The following MYO18B variants were observed in gnomAD, a reference collection of about 807,000 sequenced individuals.
MYO18B encodes the protein myosin XVIIIB.
Under a neutral mutation model 273.0 loss-of-function variants are expected in MYO18B, and 204 were observed. The ratio of observed to expected loss-of-function variants is 0.75; its 90% confidence interval spans 0.67 to 0.84. The LOEUF (loss-of-function observed/expected upper bound fraction) is 0.84, where lower values mean the gene tolerates loss of function less well. Ranked by LOEUF, MYO18B falls within the 40% of genes least tolerant of loss-of-function variation. MYO18B has a pLI of 0.00. For missense variants in MYO18B, 3,212 were observed against 3,287.6 expected, an observed-to-expected ratio of 0.98 and a Z score of 0.56; for synonymous variants, 1,330 against 1,305.7, an observed-to-expected ratio of 1.02 and a Z score of -0.40.
At chr22:25,757,443 C>T (rs561181512) in intron 1 of MYO18B, among the ~76,000 whole-genome samples, 5 of 151,706 alleles carry the variant, frequency 3.3e-5, no homozygotes, top group Non-Finnish European at 7.4e-5. Flanking sequence ...AAAAAATTAG[C>T]GGGCGTGGTG....
chr22:26,004,359 A>G (rs1402947604), intron 41 of MYO18B, among the ~76,000 whole-genome samples: 2 of 152,196 alleles, frequency 1.3e-5, no homozygotes, highest in East Asian at 3.9e-4. Flanking sequence ...TTCAATGCCA[A>G]ACTTTACTCC....
In MYO18B at chr22:25,992,350, C is replaced by T. The variant is rs764677105; in HGVS notation, c.6157-13C>T. On this transcript the variant is annotated splice_polypyrimidine_tract_variant and intron_variant, in intron 39 of 43. Coordinates refer to ENST00000335473, the MANE Select transcript of MYO18B (RefSeq NM_032608.7). ...GCCCAAGGCCAACGTGTGTTTGCAT[C>T]TTCTGTCCCCAGGAGAAGTACGTGG... The T allele has an allele frequency of 3.1e-6, 5 of 1,613,220 alleles. No homozygotes were observed. The highest frequency in any genetic ancestry group is 2.2e-5 in the South Asian group (2 of 91,056).
At chr22:25,929,510 C>T (rs555980317) in intron 34 of MYO18B, among the ~76,000 whole-genome samples, 5 of 152,316 alleles carry the variant, frequency 3.3e-5, no homozygotes, top group East Asian at 1.9e-4. Flanking sequence ...AGGAGAAAGT[C>T]GGAGATGATG....
chr22:25,812,308 G>A (rs148339651), intron 12 of MYO18B, among the ~76,000 whole-genome samples: 297 of 152,296 alleles, frequency 2.0e-3, no homozygotes, highest in African/African-American at 6.8e-3. Context: ...TCTGACTGCA[G>A]CTCATAACTC....
At chr22:25,982,845 T>G (rs1478962458) in intron 39 of MYO18B, among the ~76,000 whole-genome samples, 2 of 152,196 alleles carry the variant, frequency 1.3e-5, no homozygotes, top group Non-Finnish European at 2.9e-5. Context: ...TGTTGCCGGA[T>G]TAGATCATAG....
chr22:25,877,199 T>C (rs1031942645), intron 24 of MYO18B: 6 of 152,134 alleles, frequency 3.9e-5, no homozygotes, highest in Non-Finnish European at 5.9e-5. Flanking sequence ...AACAGAGACA[T>C]TGAAATTTGG....
intron 40 of MYO18B, among the ~76,000 whole-genome samples, chr22:25,998,096 G>A (rs9613074): frequency 0.19 from 29,404 of 152,108 alleles, 3,459 homozygotes; most frequent in Non-Finnish European, 0.27. Flanking sequence ...AGCATAACAG[G>A]CCTTCCAGGC....
At chr22:25,972,958 G>GAAAAAAAAAAAAAAAA (rs66647025) in intron 39 of MYO18B, among the ~76,000 whole-genome samples, 1 of 80,652 alleles carries the variant, frequency 1.2e-5, no homozygotes. Context: ...TGTCTCAAAG[G>GAAAAAAAAAAAAAAAA]AAAAAAAAAA....
At chr22:25,983,403 T>A (rs1465181296) in intron 39 of MYO18B, 6 of 152,310 alleles carry the variant, frequency 3.9e-5, no homozygotes, top group African/African-American at 1.4e-4. Context: ...TCTGGATGTC[T>A]TACAACTTTT....
chr22:25,908,763 C>T (rs1183355548), intron 32 of MYO18B, among the ~76,000 whole-genome samples: 34 of 152,172 alleles, frequency 2.2e-4, no homozygotes, highest in Non-Finnish European at 5.9e-5. Flanking sequence ...ATTTTCTTTA[C>T]AAGTCAAATC....
intron 12 of MYO18B, among the ~76,000 whole-genome samples, chr22:25,815,628 C>G (rs767702751): frequency 5.9e-5 from 9 of 152,192 alleles, no homozygotes; most frequent in Non-Finnish European, 8.8e-5. Context: ...ACAATTCCCA[C>G]CACCTCAAAG....
intron 22 of MYO18B, 27 bp from the exon 23 acceptor site, chr22:25,874,259 C>G (rs370082433): frequency 3.7e-6 from 6 of 1,612,638 alleles, no homozygotes; most frequent in Non-Finnish European, 5.1e-6. Context: ...CAGCAGAGGA[C>G]TCACCTGAAA....
At chr22:25,803,030 C>T (rs1334980446) in intron 12 of MYO18B, among the ~76,000 whole-genome samples, 1 of 150,390 alleles carries the variant, frequency 6.6e-6, no homozygotes, top group African/African-American at 2.4e-5. Flanking sequence ...GGCGCGATCT[C>T]TGCTCACTGC....
intron 33 of MYO18B, among the ~76,000 whole-genome samples, chr22:25,912,318 A>C (rs945307316): frequency 3.3e-5 from 5 of 152,234 alleles, no homozygotes; most frequent in African/African-American, 1.2e-4. Flanking sequence ...TTCCTTCAGC[A>C]TCAGGGCAAG....
At chr22:25,834,289 G>C (rs2089820514) in intron 16 of MYO18B, among the ~76,000 whole-genome samples, 1 of 152,026 alleles carries the variant, frequency 6.6e-6, no homozygotes, top group Non-Finnish European at 1.5e-5. Flanking sequence ...TGGGATTACA[G>C]GCATGCACCA....
At chr22:25,886,752 G>A (rs1453889777) in intron 25 of MYO18B, among the ~76,000 whole-genome samples, 1 of 152,168 alleles carries the variant, frequency 6.6e-6, no homozygotes, top group East Asian at 1.9e-4. Flanking sequence ...GTAGATGTGG[G>A]ACAGAAAATA....
rs550541541 is a variant in MYO18B, at chr22:26,004,458, A to C, written c.6333-260A>C. On this transcript the variant is annotated intron_variant, in intron 41 of 43. Transcript: ENST00000335473. ...TTAATAGCATGGGCATTGGAATAAA[A>C]AGGAACAGGGTTTGCATCCCAATTT... Among the ~76,000 whole-genome samples, 9 of 152,302 alleles carry C rather than the reference A, an allele frequency of 5.9e-5. 2 individuals are homozygous for C. Among genetic ancestry groups the C allele is most frequent in the African/African-American group, 1.9e-4 (8 of 41,564 alleles).
chr22:25,997,580 A>G (rs1933427683), intron 40 of MYO18B, among the ~76,000 whole-genome samples: 1 of 152,142 alleles, frequency 6.6e-6, no homozygotes, highest in Non-Finnish European at 1.5e-5. Flanking sequence ...ATATCATAGA[A>G]ATGGGGAAAC....
chr22:25,814,010 A>G (rs1193782284), intron 12 of MYO18B, among the ~76,000 whole-genome samples: 1 of 152,216 alleles, frequency 6.6e-6, no homozygotes, highest in Non-Finnish European at 1.5e-5. Context: ...ATTTATTCAT[A>G]AAGCTGGAAT....
Sources: gnomAD v4.1 joint callset for allele counts (sites outside exome capture counted in the v4.1 genomes callset) on GRCh38, gnomAD v4.1.1 for gene constraint, MANE v1.5 for transcripts, NCBI Gene and HGNC (gene_info 2026-07-23, HGNC 2026-07-21) for gene names.